HSD17B3: variants seen among roughly 807,000 people sequenced by gnomAD.
HSD17B3 encodes 17-beta-hydroxysteroid dehydrogenase type 3.
Under a neutral mutation model 41.1 loss-of-function variants are expected in HSD17B3, and 29 were observed. The observed-to-expected ratio is 0.71, with a 90% confidence interval of 0.53 to 0.96. The LOEUF (loss-of-function observed/expected upper bound fraction) is 0.96. Ranked by LOEUF, HSD17B3 falls within the 40% of genes least tolerant of loss-of-function variation. HSD17B3 has a pLI of 0.00. For missense variants in HSD17B3, 323 were observed against 374.6 expected (o/e 0.86, Z 1.14); for synonymous variants, 126 against 145.6 (o/e 0.87, Z 0.97).
At position 96,260,709 on chromosome 9, in the gene HSD17B3, G is replaced by A. The variant is rs117008622; in HGVS notation, c.202-5766C>T. 6.2e-3 allele frequency among the ~76,000 whole-genome samples: 941 copies of A among 152,206 alleles called. 70 individuals are homozygous for A. In the East Asian group the frequency reaches 0.15, roughly 25 times the overall value. On this transcript the variant is annotated intron_variant, in intron 2 of 10. Coordinates refer to ENST00000375263, the MANE Select transcript of HSD17B3 (RefSeq NM_000197.2). ...GAATCCAGGAAGTGGAGGTTGTAGT[G>A]AGCCGAGATCGCACCACTGTACTCC...
intron 2 of HSD17B3, among the ~76,000 whole-genome samples, chr9:96,296,299 C>T (rs745512239): frequency 6.6e-6 from 1 of 152,130 alleles, no homozygotes; most frequent in Non-Finnish European, 1.5e-5. Flanking sequence ...TCTCTCTGCT[C>T]TCTGCCGTGT....
intron 2 of HSD17B3, among the ~76,000 whole-genome samples, chr9:96,264,840 T>C (rs1359759132): frequency 2.0e-5 from 3 of 152,364 alleles, no homozygotes; most frequent in Non-Finnish European, 4.4e-5. Flanking sequence ...CAGCAGCCTT[T>C]AGCTATTCTA....
At chr9:96,251,356 C>T (rs1397271814) in intron 5 of HSD17B3, 62 bp downstream of exon 5, 11 of 1,441,276 alleles carry the variant, frequency 7.6e-6, no homozygotes, top group South Asian at 2.3e-5. Context: ...TGACTCATTA[C>T]CCAGCCAGGG....
intron 1 of HSD17B3, among the ~76,000 whole-genome samples, chr9:96,299,348 G>A (rs968248835): frequency 6.6e-6 from 1 of 152,172 alleles, no homozygotes; most frequent in African/African-American, 2.4e-5. Flanking sequence ...TACTAATGAT[G>A]TGTCTGTTCG....
At chr9:96,263,553 TA>T (rs55948029) in intron 2 of HSD17B3, among the ~76,000 whole-genome samples, 130,345 of 144,350 alleles carry the variant, frequency 0.9, 58,821 homozygotes, top group African/African-American at 0.95. Context: ...CCGTCTCTAC[TA>T]AAAAAAAAAA....
At chr9:96,240,166 C>A (rs993923572) in intron 10 of HSD17B3, among the ~76,000 whole-genome samples, 8 of 152,134 alleles carry the variant, frequency 5.3e-5, no homozygotes, top group African/African-American at 1.9e-4. Flanking sequence ...GTGCAGCAAA[C>A]CACCATGGCA....
chr9:96,271,605 GT>G (rs1356568360), intron 2 of HSD17B3, among the ~76,000 whole-genome samples: 1 of 152,148 alleles, frequency 6.6e-6, no homozygotes, highest in Admixed American at 6.5e-5. Flanking sequence ...GCAGATATGT[GT>G]TATGATCCAG....
chr9:96,242,391 T>C (rs1263060415), intron 9 of HSD17B3, among the ~76,000 whole-genome samples: 1 of 152,212 alleles, frequency 6.6e-6, no homozygotes, highest in African/African-American at 2.4e-5. Flanking sequence ...ATCTTTACTA[T>C]AACCCAGAGA....
chr9:96,252,745 G>T, intron 4 of HSD17B3, 58 bp downstream of exon 4: 1 of 869,944 alleles, frequency 1.1e-6, no homozygotes, highest in Non-Finnish European at 2.0e-6. Flanking sequence ...TCACTCATCA[G>T]TGTCAGGTTA....
At chr9:96,267,510 T>C (rs1265884194) in intron 2 of HSD17B3, among the ~76,000 whole-genome samples, 1 of 152,066 alleles carries the variant, frequency 6.6e-6, no homozygotes, top group Non-Finnish European at 1.5e-5. Flanking sequence ...GAGAAGCTAC[T>C]ACGTCTATGA....
At chr9:96,286,580 C>T (rs770331250) in intron 2 of HSD17B3, among the ~76,000 whole-genome samples, 10 of 152,138 alleles carry the variant, frequency 6.6e-5, no homozygotes, top group Admixed American at 2.0e-4. Flanking sequence ...ATCCCAGCTA[C>T]TCAGGAGGCT....
In HSD17B3 at chr9:96,275,937, G is replaced by C. The variant is rs1206582580; in HGVS notation, c.202-20994C>G. Reference sequence around the variant, plus strand: ...AAATGTAAATGAATTAAACTCCCCAGTCAAAAGGCATAGAGTGGTTGAATG... The same window carrying C: ...AAATGTAAATGAATTAAACTCCCCACTCAAAAGGCATAGAGTGGTTGAATG... On this transcript the variant is annotated intron_variant, in intron 2 of 10. Coordinates refer to ENST00000375263, the MANE Select transcript of HSD17B3 (RefSeq NM_000197.2). 2.0e-5 allele frequency among the ~76,000 whole-genome samples: 3 copies of C among 151,858 alleles called. No individual in the cohort carries two copies. The East Asian group carries it at 5.8e-4, about 29-fold the overall frequency.
In HSD17B3 at chr9:96,254,337, G is replaced by A. The variant is rs903823445; in HGVS notation, c.277+531C>T. ...ATGGGGAAGGGAAGTCCCAAACACC[G>A]ATCTTGCTTTTGAAGGGAGTGGCAG... On this transcript the variant is annotated intron_variant, in intron 3 of 10. Coordinates refer to ENST00000375263, the MANE Select transcript of HSD17B3 (RefSeq NM_000197.2). 3.9e-5 allele frequency among the ~76,000 whole-genome samples: 6 copies of A among 152,164 alleles called. No individual in the cohort carries two copies. The South Asian group carries it at 6.2e-4, about 16-fold the overall frequency.
At chr9:96,255,040 G>T in intron 2 of HSD17B3, 97 bp from the exon 3 acceptor site, 1 of 993,376 alleles carries the variant, frequency 1.0e-6, no homozygotes, top group Non-Finnish European at 1.6e-6. Context: ...GCACATACTG[G>T]CAGGGTGACA....
chr9:96,266,472 G>A (rs1826047260), intron 2 of HSD17B3, among the ~76,000 whole-genome samples: 4 of 151,928 alleles, frequency 2.6e-5, no homozygotes, highest in Admixed American at 2.0e-4. Context: ...GTCTTGCTAT[G>A]TTGCCCAGGC....
chr9:96,294,782 T>C (rs927223210), intron 2 of HSD17B3, among the ~76,000 whole-genome samples: 3 of 152,186 alleles, frequency 2.0e-5, no homozygotes, highest in African/African-American at 7.2e-5. Context: ...ACACATTGTT[T>C]TGAAAAGTGA....
chr9:96,241,662 T>C (rs1045700591), intron 9 of HSD17B3, among the ~76,000 whole-genome samples: 1 of 152,074 alleles, frequency 6.6e-6, no homozygotes, highest in African/African-American at 2.4e-5. Flanking sequence ...AAGGCTGGCA[T>C]GGTGACTCAT....
At chr9:96,264,240 AC>A (rs1825964266) in intron 2 of HSD17B3, among the ~76,000 whole-genome samples, 1 of 152,184 alleles carries the variant, frequency 6.6e-6, no homozygotes, top group Admixed American at 6.5e-5. Context: ...TGCACACAAA[AC>A]AATAAACATT....
chr9:96,288,200 G>C (rs1827000407), intron 2 of HSD17B3, among the ~76,000 whole-genome samples: 1 of 152,224 alleles, frequency 6.6e-6, no homozygotes, highest in African/African-American at 2.4e-5. Context: ...CCGGATGGTG[G>C]TGATGATAAA....
Sources: gnomAD v4.1 joint callset for allele counts (sites outside exome capture counted in the v4.1 genomes callset) on GRCh38, gnomAD v4.1.1 for gene constraint, MANE v1.5 for transcripts, NCBI Gene and HGNC (gene_info 2026-07-23, HGNC 2026-07-21) for gene names.